PGM5: variants seen among roughly 807,000 people sequenced by gnomAD.
The protein encoded by PGM5 is phosphoglucomutase-like protein 5.
In PGM5, 23 loss-of-function variants were observed where a neutral mutation model predicts 59.2. The ratio of observed to expected loss-of-function variants is 0.39; its 90% CI spans 0.28 to 0.55. The LOEUF (loss-of-function observed/expected upper bound fraction) is 0.55. Among genes scored for constraint, PGM5 ranks in the 20% least tolerant of loss-of-function variants. PGM5 has a pLI of 0.66. For synonymous variants in PGM5, 214 were observed against 286.0 expected, an observed-to-expected ratio of 0.75 and a Z score of 2.54; for missense variants, 574 against 748.3, an observed-to-expected ratio of 0.77 and a Z score of 2.72.
intron 6 of PGM5, chr9:68,396,704 T>G (rs1333429346): frequency 6.6e-6 from 1 of 151,774 alleles, no homozygotes; most frequent in Non-Finnish European, 1.5e-5. Flanking sequence ...AGGTCCCAGG[T>G]GGATTCTCAT....
chr9:68,391,803 C>T lies in PGM5; in HGVS notation c.888+79C>T, dbSNP rs1375077269. The T allele has an allele frequency of 4.9e-6, 7 of 1,417,936 alleles. No individual in the cohort carries two copies. The African/African-American group carries it at 8.5e-5, about 17-fold the overall frequency. The allele number at this position is 1,417,936 out of a possible 1,614,324, so 87.8% of individuals were successfully genotyped here. ...CACTGGAAAGCAGAGAATTAATGAA[C>T]ACATCTGGAGCTAACATGTATGGGA... On this transcript the variant is annotated intron_variant, in intron 5 of 10. Transcript: ENST00000396396.
chr9:68,401,929 G>GTATA (rs797042092), intron 6 of PGM5, among the ~76,000 whole-genome samples: 1 of 57,000 alleles, frequency 1.8e-5, no homozygotes, highest in African/African-American at 8.5e-5. Flanking sequence ...GTGTGTGTGT[G>GTATA]TATATATTTG....
At chr9:68,471,118 G>T (rs917607602) in intron 7 of PGM5, among the ~76,000 whole-genome samples, 19 of 152,216 alleles carry the variant, frequency 1.2e-4, no homozygotes, top group African/African-American at 4.6e-4. Flanking sequence ...GTAAGAGGGA[G>T]TGTTGTGTGA....
chr9:68,378,897 G>A (rs1180135382), intron 2 of PGM5, among the ~76,000 whole-genome samples: 1 of 152,036 alleles, frequency 6.6e-6, no homozygotes, highest in Non-Finnish European at 1.5e-5. Context: ...TATATGTATG[G>A]AGTAAATTTC....
rs1030620255 is a variant in PGM5, at chr9:68,437,361, G to A, written c.1044-27732G>A. Among the ~76,000 whole-genome samples the A allele has an allele frequency of 6.6e-6, 1 of 152,204 alleles. No homozygotes were observed. Among genetic ancestry groups the A allele is most frequent in the Non-Finnish European group, 1.5e-5 (1 of 68,038 alleles). Reference sequence around the variant, plus strand: ...GAAGCTTGGCAACTTTCGTGAAATGGTGTGCCTTAAAGAGGAAGGAATTTA... The same window carrying A: ...GAAGCTTGGCAACTTTCGTGAAATGATGTGCCTTAAAGAGGAAGGAATTTA... On this transcript the variant is annotated intron_variant, in intron 6 of 10. Transcript: ENST00000396396. This position sits in a 1 kb window ranked among gnomAD's most constrained non-coding sequence, Gnocchi z 4.1.
intron 2 of PGM5, 54 bp from the exon 3 acceptor site, chr9:68,384,344 G>T: frequency 7.7e-7 from 1 of 1,294,180 alleles, no homozygotes. Flanking sequence ...ACATTTCACT[G>T]CTTGAAACTC....
intron 1 of PGM5, among the ~76,000 whole-genome samples, chr9:68,365,675 A>G (rs1295436070): frequency 6.6e-6 from 1 of 152,160 alleles, no homozygotes; most frequent in Admixed American, 6.5e-5. Context: ...AGTTTGTACT[A>G]GTAGGTATTT....
At chr9:68,400,417 A>T (rs1219751909) in intron 6 of PGM5, among the ~76,000 whole-genome samples, 2 of 152,010 alleles carry the variant, frequency 1.3e-5, no homozygotes, top group East Asian at 3.9e-4. Flanking sequence ...CTGTCCCTGA[A>T]ATGTATTCCC....
intron 6 of PGM5, among the ~76,000 whole-genome samples, chr9:68,399,636 AT>A (rs557358893): frequency 0.031 from 4,422 of 142,846 alleles, 117 homozygotes; most frequent in African/African-American, 0.077. Context: ...TCCTTTGACC[AT>A]TTTTTTTTTT....
Position 68,389,496 on chromosome 9 carries a change from A to G in PGM5, c.697+1908A>G, listed in dbSNP as rs564950800. Among the ~76,000 whole-genome samples the G allele has an allele frequency of 2.6e-5, 4 of 152,186 alleles. No individual in the cohort carries two copies. The South Asian group carries it at 8.3e-4, about 32-fold the overall frequency. Reference sequence around the variant, plus strand: ...AAAGTTATGTAAATGGAAGCATACAATATGTCACCTTTTGCTTCAAGCTTC... The same window carrying G: ...AAAGTTATGTAAATGGAAGCATACAGTATGTCACCTTTTGCTTCAAGCTTC... On this transcript the variant is annotated intron_variant, in intron 4 of 10. Transcript: ENST00000396396.
At chr9:68,521,499 T>C (rs556388244) in intron 10 of PGM5, among the ~76,000 whole-genome samples, 1 of 152,258 alleles carries the variant, frequency 6.6e-6, no homozygotes, top group South Asian at 2.1e-4. Context: ...GTTTCAATCT[T>C]GAAGTTTTAT....
chr9:68,391,986 C>T (rs1270709449), intron 5 of PGM5, among the ~76,000 whole-genome samples: 1 of 152,176 alleles, frequency 6.6e-6, no homozygotes, highest in South Asian at 2.1e-4. Context: ...TTATTTATGG[C>T]TGGTGTTGTT....
intron 1 of PGM5, chr9:68,371,554 T>C (rs1201943875): frequency 6.6e-6 from 1 of 152,164 alleles, no homozygotes; most frequent in Admixed American, 6.5e-5. Flanking sequence ...AGAGTTTTTG[T>C]TTATAGAATC....
intron 10 of PGM5, among the ~76,000 whole-genome samples, chr9:68,518,036 A>G (rs899998069): frequency 2.0e-5 from 3 of 152,212 alleles, no homozygotes; most frequent in African/African-American, 7.2e-5. Context: ...GATCTGGTCT[A>G]TTACAGTCTG....
intron 6 of PGM5, among the ~76,000 whole-genome samples, chr9:68,423,655 G>GTCTCTC (rs111849049): frequency 0.027 from 3,941 of 145,708 alleles, 124 homozygotes; most frequent in African/African-American, 0.073. Flanking sequence ...CTCTCTCTCT[G>GTCTCTC]TCTCTCTCTC....
At chr9:68,449,702 G>A (rs912037722) in intron 6 of PGM5, among the ~76,000 whole-genome samples, 4 of 152,190 alleles carry the variant, frequency 2.6e-5, no homozygotes, top group African/African-American at 4.8e-5. Context: ...GCTAGTGAAA[G>A]GTGGGCATCA....
chr9:68,520,707 A>G (rs1056830754), intron 10 of PGM5, among the ~76,000 whole-genome samples: 2 of 152,256 alleles, frequency 1.3e-5, no homozygotes, highest in Non-Finnish European at 2.9e-5. Context: ...AATTCTGTGA[A>G]TAGGAATCAA....
At chr9:68,488,199 T>C (rs2132096596) in intron 9 of PGM5, among the ~76,000 whole-genome samples, 1 of 152,308 alleles carries the variant, frequency 6.6e-6, no homozygotes, top group East Asian at 1.9e-4. Context: ...CCCTTCAGTT[T>C]CTAAGTCATC....
intron 6 of PGM5, among the ~76,000 whole-genome samples, chr9:68,407,089 G>A (rs1304000080): frequency 6.6e-6 from 1 of 151,942 alleles, no homozygotes; most frequent in Admixed American, 6.6e-5. Context: ...TTAAAAATAT[G>A]TATTCATATA....
Sources: gnomAD v4.1 joint callset for allele counts (sites outside exome capture counted in the v4.1 genomes callset) on GRCh38, gnomAD v4.1.1 for gene constraint, Gnocchi (gnomAD v3.1) non-coding constraint, MANE v1.5 for transcripts, NCBI Gene and HGNC (gene_info 2026-07-23, HGNC 2026-07-21) for gene names.